EML5: variants seen among roughly 807,000 people sequenced by gnomAD.
EML5 encodes the protein EMAP like 5.
EML5 carries 120 observed loss-of-function variants against 250.0 expected under a neutral mutation model. The observed-to-expected ratio is 0.48, with a 90% CI of 0.41 to 0.56. The LOEUF (loss-of-function observed/expected upper bound fraction) is 0.56. Ranked by LOEUF, EML5 falls within the 20% of genes least tolerant of loss-of-function variation. The pLI is 0.00. For synonymous variants in EML5, 771 were observed against 806.5 expected, an observed-to-expected ratio of 0.96 and a Z score of 0.75; for missense variants, 2,006 against 2,437.6, an observed-to-expected ratio of 0.82 and a Z score of 3.73.
At chr14:88,644,891 T>A (rs1174920178) in intron 29 of EML5, among the ~76,000 whole-genome samples, 4 of 151,944 alleles carry the variant, frequency 2.6e-5, no homozygotes, top group Admixed American at 2.6e-4. Context: ...TGTATTTTTT[T>A]AGTAGAGACG....
In EML5 at chr14:88,677,870, T is replaced by C. The variant is rs571579870; in HGVS notation, c.3124+4020A>G. Among the ~76,000 whole-genome samples the C allele has an allele frequency of 3.9e-5, 6 of 152,290 alleles. No individual in the cohort carries two copies. The South Asian group carries it at 8.3e-4, about 21-fold the overall frequency. Reference sequence around the variant, plus strand: ...GTGTGAATGTAAATTAGCTCAACCATTGTGGAAGACGGTGATTCTTCAAAG... The same window carrying C: ...GTGTGAATGTAAATTAGCTCAACCACTGTGGAAGACGGTGATTCTTCAAAG... On this transcript the variant is annotated intron_variant, in intron 21 of 43. Transcript: ENST00000554922.
intron 8 of EML5, among the ~76,000 whole-genome samples, chr14:88,725,041 T>C (rs1036581030): frequency 1.3e-5 from 2 of 152,196 alleles, no homozygotes; most frequent in Admixed American, 6.5e-5. Flanking sequence ...AAGCTTTAAT[T>C]TATATTCAAA....
intron 36 of EML5, 87 bp from the exon 37 acceptor site, chr14:88,622,805 C>CTTTTTT: frequency 1.9e-6 from 1 of 514,258 alleles, no homozygotes; most frequent in Non-Finnish European, 3.0e-6. Flanking sequence ...TAAGCAGAAT[C>CTTTTTT]TTTTTTTTTT....
intron 21 of EML5, among the ~76,000 whole-genome samples, chr14:88,667,357 T>G (rs1009320114): frequency 1.3e-5 from 2 of 152,168 alleles, no homozygotes. Flanking sequence ...GAATATTCCT[T>G]GTGTTAAAAG....
chr14:88,638,395 C>A (rs1325758780), intron 32 of EML5, among the ~76,000 whole-genome samples: 1 of 152,228 alleles, frequency 6.6e-6, no homozygotes, highest in Non-Finnish European at 1.5e-5. Flanking sequence ...TCTCTTCTTT[C>A]CAGCCTGAAC....
At position 88,695,419 on chromosome 14, in the gene EML5, C is replaced by A. The variant is rs2093054718; in HGVS notation, c.2380G>T (p.Asp794Tyr). 6.2e-7 allele frequency: 1 copy of A among 1,612,522 alleles called. No homozygotes were observed. The highest frequency in any genetic ancestry group is 8.5e-7 in the Non-Finnish European group (1 of 1,179,330). Reference protein sequence around the residue: ...GKRLASVGIDDSHTVVLWDWK... With the variant: ...GKRLASVGIDYSHTVVLWDWK... ...TCCCAGAGCACAACAGTATGGCTAT[C>A]ATCTATGCCAACTGATGCCAAACGT... The change falls in exon 16 of 44, where the codon GAT (aspartate) becomes TAT (tyrosine). Residue 794 changes from aspartate to tyrosine, a missense_variant. Physicochemically the swap from Asp to Tyr is radical, Grantham distance 160. This residue lies in a region of EML5 where 1,375 missense variants were observed against 1,590.3 expected (regional missense o/e 0.86). Transcript: ENST00000554922.
At chr14:88,767,869 T>A (rs557492164) in intron 1 of EML5, among the ~76,000 whole-genome samples, 2 of 97,632 alleles carry the variant, frequency 2.0e-5, no homozygotes, top group African/African-American at 1.2e-4. Context: ...TTACCTAAAC[T>A]AAAAACCTTA....
intron 2 of EML5, 47 bp downstream of exon 2, chr14:88,754,450 AATCATTTTCTATAAT>A: frequency 7.3e-7 from 1 of 1,372,620 alleles, no homozygotes; most frequent in African/African-American, 1.5e-5. Flanking sequence ...ATAGATTTAT[AATCATTTTCTATAAT>A]ATACCTTAAC....
intron 4 of EML5, 90 bp downstream of exon 4, chr14:88,743,933 C>A: frequency 1.3e-6 from 1 of 766,030 alleles, no homozygotes; most frequent in African/African-American, 1.8e-5. Context: ...TATCAAAATT[C>A]TGAAAGTAGG....
chr14:88,723,890 A>G (rs1393277797), intron 8 of EML5, among the ~76,000 whole-genome samples: 1 of 152,166 alleles, frequency 6.6e-6, no homozygotes, highest in African/African-American at 2.4e-5. Context: ...CACCTTATAT[A>G]CTAATTTAAG....
chr14:88,638,884 GTT>G lies in EML5; in HGVS notation c.4259_4260del (p.Glu1420AlafsTer2). On this transcript the variant is annotated frameshift_variant, in exon 32 of 44. Transcript: ENST00000554922. LOFTEE classifies it high-confidence loss of function. ...VATGSQSFYQ[E>X]HNDDILCLTV... is the part of the protein sequence containing the mutation. The stretch of plus-strand genomic sequence containing the variant: ...GTGAGGCACAGAATATCATCATTAT[GTT>G]CCTGATAAAAACTCTGAGAACCTAC... The G allele has an allele frequency of 6.3e-7, 1 of 1,588,242 alleles. No individual in the cohort carries two copies. Among genetic ancestry groups the G allele is most frequent in the Non-Finnish European group, 8.6e-7 (1 of 1,167,528 alleles).
intron 16 of EML5, among the ~76,000 whole-genome samples, chr14:88,694,630 T>A (rs12894209): frequency 2.0e-5 from 3 of 152,214 alleles, no homozygotes; most frequent in African/African-American, 7.2e-5. Flanking sequence ...GAACTCCTTT[T>A]GGACAGCATC....
In EML5 at chr14:88,613,792, G is replaced by A. The variant is rs903754295; in HGVS notation, c.*2026C>T. 6.6e-6 allele frequency: 1 copy of A among 152,158 alleles called. No homozygotes were observed. Among genetic ancestry groups the A allele is most frequent in the Non-Finnish European group, 1.5e-5 (1 of 68,016 alleles). 9.4% of individuals were successfully genotyped at this position (152,158 alleles called of 1,614,324 possible). Reference sequence around the variant, plus strand: ...CAGAAGTCCCAGGTTACACAATCAGGAGCTTAGATACTGCACACAAAAATA... The same window carrying A: ...CAGAAGTCCCAGGTTACACAATCAGAAGCTTAGATACTGCACACAAAAATA... On this transcript the variant is annotated 3_prime_UTR_variant, in exon 44 of 44. Coordinates refer to ENST00000554922, the MANE Select transcript of EML5 (RefSeq NM_183387.3).
At chr14:88,718,666 T>C (rs953354539) in intron 8 of EML5, among the ~76,000 whole-genome samples, 8 of 152,064 alleles carry the variant, frequency 5.3e-5, no homozygotes. Context: ...GGAATGAGGA[T>C]AGAGGTTGAT....
intron 21 of EML5, among the ~76,000 whole-genome samples, chr14:88,678,650 AAATCTGATCTCTG>A (rs2092651061): frequency 6.6e-6 from 1 of 152,160 alleles, no homozygotes; most frequent in South Asian, 2.1e-4. Flanking sequence ...AATTTTAAAA[AAATCTGATCTCTG>A]AATCATTAGC....
intron 10 of EML5, among the ~76,000 whole-genome samples, chr14:88,708,676 T>C (rs1381132693): frequency 1.3e-5 from 2 of 152,076 alleles, no homozygotes; most frequent in African/African-American, 4.8e-5. Flanking sequence ...AATATTAGAA[T>C]TGAAATCAAA....
chr14:88,631,226 C>A (rs2090420790), intron 33 of EML5, among the ~76,000 whole-genome samples: 1 of 152,044 alleles, frequency 6.6e-6, no homozygotes, highest in South Asian at 2.1e-4. Flanking sequence ...TTTCTTTTTT[C>A]TTTTTGAGAC....
chr14:88,712,149 C>T, intron 10 of EML5, 122 bp downstream of exon 10: 1 of 662,964 alleles, frequency 1.5e-6, no homozygotes, highest in East Asian at 2.7e-5. Flanking sequence ...AAAATGAAAC[C>T]CTTCACCAAT....
chr14:88,639,359 T>A (rs781294652), intron 31 of EML5, among the ~76,000 whole-genome samples: 1 of 152,024 alleles, frequency 6.6e-6, no homozygotes, highest in Non-Finnish European at 1.5e-5. Flanking sequence ...AAGTGTAGGG[T>A]CATGAAGAAG....
Sources: gnomAD v4.1 joint callset for allele counts (sites outside exome capture counted in the v4.1 genomes callset) on GRCh38, gnomAD v4.1.1 for gene constraint, gnomAD v4.1.1 regional missense constraint, MANE v1.5 for transcripts, NCBI Gene and HGNC (gene_info 2026-07-23, HGNC 2026-07-21) for gene names.